Variants in PRKCH observed in about 807,000 individuals in gnomAD.
The protein encoded by PRKCH is protein kinase C eta, also known as protein kinase C eta type.
A neutral mutation model predicts 82.5 loss-of-function variants in PRKCH; 28 were observed. The ratio of observed to expected loss-of-function variants is 0.34; its 90% CI spans 0.25 to 0.47. The LOEUF (loss-of-function observed/expected upper bound fraction) is 0.47. Ranked by LOEUF, PRKCH falls within the 20% of genes least tolerant of loss-of-function variation. PRKCH has a pLI of 1.00. For synonymous variants in PRKCH, 322 were observed against 327.4 expected, an observed-to-expected ratio of 0.98 and a Z score of 0.18; for missense variants, 705 against 881.8, an observed-to-expected ratio of 0.80 and a Z score of 2.54.
chr14:61,280,536 G>A lies in PRKCH; in HGVS notation c.-19+92868G>A. 2.5e-6 allele frequency: 4 copies of A among 1,612,312 alleles called. No individual in the cohort carries two copies. The highest frequency in any genetic ancestry group is 2.5e-6 in the Non-Finnish European group (3 of 1,179,452). The stretch of plus-strand genomic sequence containing the variant: ...TGACCAGCGGCGGGTTGCGGAACTT[G>A]ACGTGGTAGTCGGTCCACCAGGCGA... On this transcript the variant is annotated intron_variant, in intron 1 of 3. Coordinates refer to the PRKCH transcript ENST00000555185. This position sits in a 1 kb window ranked among gnomAD's most constrained non-coding sequence, Gnocchi z 5.0.
chr14:61,206,121 T>G (rs1204482329), intron 1 of PRKCH, among the ~76,000 whole-genome samples: 2 of 152,240 alleles, frequency 1.3e-5, no homozygotes, highest in South Asian at 2.1e-4. Flanking sequence ...GGTTTATTTC[T>G]ATAGTTAAGA....
chr14:61,496,482 A>G (rs1362364383), intron 10 of PRKCH, among the ~76,000 whole-genome samples: 1 of 152,150 alleles, frequency 6.6e-6, no homozygotes, highest in Non-Finnish European at 1.5e-5. Flanking sequence ...CTCTTTGCCA[A>G]GCTTCCAGCT....
At chr14:61,233,294 G>A (rs1414521903) in intron 1 of PRKCH, among the ~76,000 whole-genome samples, 1 of 152,062 alleles carries the variant, frequency 6.6e-6, no homozygotes, top group East Asian at 1.9e-4. Context: ...AGGAGGCTGA[G>A]GCAGGAAGAC....
intron 10 of PRKCH, among the ~76,000 whole-genome samples, chr14:61,489,666 A>AG (rs1417998789): frequency 6.6e-6 from 1 of 152,206 alleles, no homozygotes; most frequent in Non-Finnish European, 1.5e-5. Flanking sequence ...AGTTCTCCCA[A>AG]GGGGAAAAAA....
intron 1 of PRKCH, chr14:61,279,961 C>G (rs2045241087): frequency 1.3e-6 from 1 of 782,814 alleles, no homozygotes; most frequent in East Asian, 2.7e-5. Flanking sequence ...ATTCCCTTAT[C>G]TGGTCCCCTC....
chr14:61,474,255 T>C (rs1410507519), intron 9 of PRKCH, among the ~76,000 whole-genome samples: 1 of 152,198 alleles, frequency 6.6e-6, no homozygotes, highest in Non-Finnish European at 1.5e-5. Context: ...TAAGAACCTG[T>C]CTGAACTCCA....
At chr14:61,263,728 G>A (rs1055023865) in intron 1 of PRKCH, among the ~76,000 whole-genome samples, 3 of 152,032 alleles carry the variant, frequency 2.0e-5, no homozygotes, top group African/African-American at 7.3e-5. Context: ...TAATTTATGG[G>A]TTGTTATACC....
intron 7 of PRKCH, 66 bp downstream of exon 7, chr14:61,453,419 G>A: frequency 6.4e-7 from 1 of 1,552,482 alleles, no homozygotes; most frequent in Non-Finnish European, 8.8e-7. Context: ...GAGCCCAAAT[G>A]AGAGCATGTG....
intron 2 of PRKCH, among the ~76,000 whole-genome samples, chr14:61,436,060 C>T (rs991849021): frequency 1.3e-5 from 2 of 152,112 alleles, no homozygotes; most frequent in Non-Finnish European, 2.9e-5. Context: ...GGACTCTCCT[C>T]CCATCCTGAT....
chr14:61,315,230 TCA>T (rs1177087976), intron 1 of PRKCH, among the ~76,000 whole-genome samples: 2 of 152,112 alleles, frequency 1.3e-5, no homozygotes, highest in African/African-American at 4.8e-5. Context: ...GCTGAGAGTC[TCA>T]GTCTTCCCCT....
At chr14:61,530,293 G>A in intron 11 of PRKCH, 114 bp from the exon 12 acceptor site, 2 of 1,163,856 alleles carry the variant, frequency 1.7e-6, no homozygotes, top group Non-Finnish European at 2.4e-6. Context: ...TAGCACAGGA[G>A]ACTTTTTTAA....
At chr14:61,449,866 C>T (rs1884403952) in intron 5 of PRKCH, among the ~76,000 whole-genome samples, 1 of 105,174 alleles carries the variant, frequency 9.5e-6, no homozygotes, top group African/African-American at 8.4e-5. Flanking sequence ...GTCTCTCTCT[C>T]TCTCTCTCTC....
At chr14:61,235,922 G>T (rs1047074490) in intron 1 of PRKCH, among the ~76,000 whole-genome samples, 1 of 152,158 alleles carries the variant, frequency 6.6e-6, no homozygotes, top group Non-Finnish European at 1.5e-5. Flanking sequence ...CAGCTGAATG[G>T]ACCCTTCCTC....
At chr14:61,282,918 A>G (rs2045284459) in intron 1 of PRKCH, among the ~76,000 whole-genome samples, 1 of 152,166 alleles carries the variant, frequency 6.6e-6, no homozygotes, top group Admixed American at 6.5e-5. Flanking sequence ...CTTTTTTTCA[A>G]TAAAAGAATA....
At chr14:61,333,776 G>A (rs893704024) in intron 1 of PRKCH, among the ~76,000 whole-genome samples, 1 of 152,118 alleles carries the variant, frequency 6.6e-6, no homozygotes, top group African/African-American at 2.4e-5. Context: ...CTTTTCCCTT[G>A]TAAAAAGAAA....
At chr14:61,531,765 G>C (rs1366438390) in intron 12 of PRKCH, among the ~76,000 whole-genome samples, 1 of 152,112 alleles carries the variant, frequency 6.6e-6, no homozygotes, top group Non-Finnish European at 1.5e-5. Flanking sequence ...CAGTACTTTG[G>C]GATTCTACCA....
chr14:61,346,124 G>A (rs1372607169), intron 1 of PRKCH, among the ~76,000 whole-genome samples: 2 of 152,192 alleles, frequency 1.3e-5, no homozygotes, highest in Non-Finnish European at 2.9e-5. Flanking sequence ...GTGTGCATCT[G>A]CAGCAGATGA....
At chr14:61,392,777 T>C (rs1409729596) in intron 2 of PRKCH, among the ~76,000 whole-genome samples, 1 of 152,104 alleles carries the variant, frequency 6.6e-6, no homozygotes, top group African/African-American at 2.4e-5. Flanking sequence ...TTGTAGTTCA[T>C]ATGTTTTATG....
intron 9 of PRKCH, among the ~76,000 whole-genome samples, chr14:61,471,724 G>C (rs868216254): frequency 2.8e-4 from 43 of 151,892 alleles, no homozygotes; most frequent in Non-Finnish European, 4.7e-4. Flanking sequence ...TACTTTGTTG[G>C]GGGTGGGGGC....
Sources: allele counts gnomAD v4.1 joint callset (sites outside exome capture counted in the v4.1 genomes callset), GRCh38; gene constraint gnomAD v4.1.1; non-coding constraint Gnocchi (gnomAD v3.1); transcripts MANE v1.5; gene names NCBI Gene and HGNC (gene_info 2026-07-23, HGNC 2026-07-21).